DAB1: variants seen among roughly 807,000 people sequenced by gnomAD.
DAB1 encodes the protein disabled homolog 1.
In DAB1, 15 loss-of-function variants were observed where a neutral mutation model predicts 64.6. That is an observed-to-expected ratio of 0.23 (90% CI 0.16 to 0.36). DAB1 has a LOEUF of 0.36. DAB1 is among the 10% of genes least tolerant of loss of function. The pLI, the probability that DAB1 is intolerant of heterozygous loss-of-function variation, is 1.00. For missense variants in DAB1, 596 were observed against 706.7 expected (o/e 0.84, Z 1.78); for synonymous variants, 235 against 251.9 (o/e 0.93, Z 0.64).
intron 6 of DAB1, among the ~76,000 whole-genome samples, chr1:57,743,025 A>G (rs971726888): frequency 6.6e-6 from 1 of 152,184 alleles, no homozygotes; most frequent in African/African-American, 2.4e-5. Context: ...GGTGATGTAG[A>G]AACAACTCAT....
At position 57,912,168 on chromosome 1, in the gene DAB1, T is replaced by C. The variant is rs1052835947; in HGVS notation, n.388-28006A>G. On this transcript the variant is annotated intron_variant and non_coding_transcript_variant, in intron 5 of 20. Transcript: ENST00000485760. ...TCTTCCTTCAAGCTTCACCTGTATG[T>C]CACGTACTCACAGAGGCTTTCTGAA... Among the ~76,000 whole-genome samples the C allele has an allele frequency of 2.6e-5, 4 of 152,216 alleles. No homozygotes were observed. In the East Asian group the frequency reaches 7.7e-4, roughly 29 times the overall value.
chr1:57,956,272 T>G, intron 5 of DAB1, among the ~76,000 whole-genome samples: 1 of 152,074 alleles, frequency 6.6e-6, no homozygotes, highest in East Asian at 1.9e-4. Context: ...TCCTAGGGGA[T>G]GAAGCAGTAA....
intron 4 of DAB1, among the ~76,000 whole-genome samples, chr1:58,301,514 G>A (rs1471782650): frequency 5.3e-5 from 8 of 152,044 alleles, no homozygotes; most frequent in Non-Finnish European, 1.5e-5. Context: ...TAGCTCATCA[G>A]CTATCATTAG....
intron 5 of DAB1, among the ~76,000 whole-genome samples, chr1:58,041,385 G>A (rs1647133865): frequency 6.6e-6 from 1 of 152,082 alleles, no homozygotes; most frequent in African/African-American, 2.4e-5. Context: ...AATATACTAG[G>A]CCCTCAGCAT....
chr1:57,644,229 A>G (rs565634033), intron 7 of DAB1, among the ~76,000 whole-genome samples: 2 of 152,316 alleles, frequency 1.3e-5, no homozygotes, highest in African/African-American at 2.4e-5. Context: ...GCGAGAAACT[A>G]GACAGAATGA....
chr1:57,557,875 A>G (rs2805856), intron 7 of DAB1, among the ~76,000 whole-genome samples: 144,614 of 152,190 alleles, frequency 0.95, 69,115 homozygotes, highest in East Asian at 1. Context: ...ATAAACTCAG[A>G]GATTCTATCT....
chr1:57,761,808 G>C (rs562712217), intron 6 of DAB1, among the ~76,000 whole-genome samples: 3 of 152,310 alleles, frequency 2.0e-5, no homozygotes, highest in Non-Finnish European at 4.4e-5. Context: ...TGGCATCAAA[G>C]CACTCTTGAG....
chr1:57,969,569 A>G (rs761335379), intron 5 of DAB1, among the ~76,000 whole-genome samples: 1 of 152,216 alleles, frequency 6.6e-6, no homozygotes, highest in Non-Finnish European at 1.5e-5. Flanking sequence ...TTTAGTTCTC[A>G]TATCCAACAG....
chr1:57,780,534 A>G (rs1189554729), intron 6 of DAB1, among the ~76,000 whole-genome samples: 3 of 152,108 alleles, frequency 2.0e-5, no homozygotes, highest in Non-Finnish European at 4.4e-5. Context: ...AATATGTTAC[A>G]TATGTTCATT....
chr1:57,532,862 G>A (rs894789082), intron 7 of DAB1, among the ~76,000 whole-genome samples: 1 of 152,100 alleles, frequency 6.6e-6, no homozygotes, highest in Admixed American at 6.5e-5. Context: ...TTTATTAAAT[G>A]CTTACTATGT....
chr1:58,074,564 G>GTATATATA (rs375821412), intron 5 of DAB1: 44 of 91,628 alleles, frequency 4.8e-4, no homozygotes, highest in African/African-American at 7.8e-4. Context: ...ATATATGTGT[G>GTATATATA]TATATATATA....
intron 7 of DAB1, among the ~76,000 whole-genome samples, chr1:57,618,179 C>T (rs962038177): frequency 6.6e-6 from 1 of 152,144 alleles, no homozygotes; most frequent in Non-Finnish European, 1.5e-5. Context: ...CTTTGGGAGG[C>T]CGAGGTGGGT....
chr1:58,028,564 A>C (rs1027080593), intron 5 of DAB1, among the ~76,000 whole-genome samples: 3 of 152,182 alleles, frequency 2.0e-5, no homozygotes, highest in African/African-American at 7.2e-5. Flanking sequence ...TGACCACCAA[A>C]AGGATGCTTG....
At chr1:57,142,058 A>G (rs1658632425) in intron 3 of DAB1, among the ~76,000 whole-genome samples, 1 of 152,202 alleles carries the variant, frequency 6.6e-6, no homozygotes, top group Middle Eastern at 3.2e-3. Flanking sequence ...GATATAATAT[A>G]TGTGAAAATG....
chr1:58,041,494 AC>A (rs931897698), intron 5 of DAB1, among the ~76,000 whole-genome samples: 1 of 151,952 alleles, frequency 6.6e-6, no homozygotes, highest in African/African-American at 2.4e-5. Flanking sequence ...TCATTTAAAA[AC>A]CCTGGCACCT....
intron 1 of DAB1, among the ~76,000 whole-genome samples, chr1:57,874,859 A>G (rs901383926): frequency 6.6e-6 from 1 of 152,204 alleles, no homozygotes; most frequent in Non-Finnish European, 1.5e-5. Context: ...CAGGAAGGCA[A>G]TAAATACAAG....
chr1:57,383,625 T>A (rs190070717), intron 1 of DAB1, among the ~76,000 whole-genome samples: 1 of 152,270 alleles, frequency 6.6e-6, no homozygotes, highest in African/African-American at 2.4e-5. Flanking sequence ...GAAGGTCAAA[T>A]GATTTTTGAC....
chr1:57,164,767 G>A (rs919539278), intron 2 of DAB1, among the ~76,000 whole-genome samples: 2 of 151,984 alleles, frequency 1.3e-5, no homozygotes, highest in Non-Finnish European at 2.9e-5. Context: ...CCAAATTCCT[G>A]GGTCATCTTT....
chr1:57,546,944 T>G (rs1534048), intron 7 of DAB1, among the ~76,000 whole-genome samples: 137,806 of 152,092 alleles, frequency 0.91, 63,996 homozygotes, highest in East Asian at 1. Context: ...TTCTCCTTTA[T>G]GCTTACCTGC....
Sources: gnomAD v4.1 joint callset for allele counts (sites outside exome capture counted in the v4.1 genomes callset) on GRCh38, gnomAD v4.1.1 for gene constraint, MANE v1.5 for transcripts, NCBI Gene and HGNC (gene_info 2026-07-23, HGNC 2026-07-21) for gene names.